Variants in TNNT2 observed in about 807,000 individuals in gnomAD.
TNNT2 encodes troponin T2, cardiac type, also known as troponin T, cardiac muscle.
TNNT2 carries 34 observed loss-of-function variants against 62.4 expected under a neutral mutation model. The ratio of observed to expected loss-of-function variants is 0.54; its 90% CI spans 0.41 to 0.72. The LOEUF is 0.72. Among genes scored for constraint, TNNT2 ranks in the 30% least tolerant of loss-of-function variants. The pLI is 0.00. For synonymous variants in TNNT2, 123 were observed against 127.2 expected (o/e 0.97, Z 0.22); for missense variants, 275 against 381.9 (o/e 0.72, Z 2.33).
chr1:201,369,725 C>A, intron 5 of TNNT2, 91 bp downstream of exon 5: 1 of 1,553,414 alleles, frequency 6.4e-7, no homozygotes, highest in East Asian at 2.2e-5. Flanking sequence ...TACTCACACC[C>A]CCCAGCCCCC....
In TNNT2 at chr1:201,364,374, T is replaced by C; in HGVS notation, c.413A>G (p.Glu138Gly). 6.2e-7 allele frequency: 1 copy of C among 1,612,474 alleles called. No homozygotes were observed. Among genetic ancestry groups the C allele is most frequent in the South Asian group, 1.1e-5 (1 of 91,016 alleles). ...CTCGGCCCGCTCTGCCCGACGTCTC[T>C]CCTAAGGAGAAGAGGCAAAGCCCAC... ...EELVSLKDRI[E>G]RRRAERAEQQ... Residue 138 changes from glutamate to glycine, a missense_variant and splice_region_variant, in exon 11 of 17, where the codon GAG becomes GGG. Coordinates refer to ENST00000656932, the MANE Select transcript of TNNT2 (RefSeq NM_001276345.2).
chr1:201,373,528 A>G lies in TNNT2; in HGVS notation c.-14-260T>C, dbSNP rs12568262. 28,877 of 534,456 alleles carry G rather than the reference A, an allele frequency of 0.054. 1,868 individuals are homozygous for G. The highest frequency in any genetic ancestry group is 0.2 in the African/African-American group (10,591 of 52,488). The allele number at this position is 534,456 out of a possible 1,614,324, so 33.1% of individuals were successfully genotyped here. Reference sequence around the variant, plus strand: ...CAGGCAATACTGCCTGGGATGCTGCATTTCCATTTGTGACACTCAAGACAA... The same window carrying G: ...CAGGCAATACTGCCTGGGATGCTGCGTTTCCATTTGTGACACTCAAGACAA... On this transcript the variant is annotated intron_variant, in intron 1 of 16. Coordinates refer to ENST00000656932, the MANE Select transcript of TNNT2 (RefSeq NM_001276345.2).
chr1:201,361,948 C>A lies in TNNT2; in HGVS notation c.684G>T (p.Val228=), dbSNP rs1413460289. ...KKKILAERRK[V]LAIDHLNEDQ... ...CTTCATTCAGGTGGTCAATGGCCAG[C>A]ACCTTCCTCCTCTCAGCCAGAATCT... Residue 228 remains valine, a synonymous_variant, in exon 14 of 17, where the codon GTG becomes GTT. Transcript: ENST00000656932. The A allele has an allele frequency of 6.2e-7, 1 of 1,614,242 alleles. No homozygotes were observed. The highest frequency in any genetic ancestry group is 8.5e-7 in the Non-Finnish European group (1 of 1,180,042).
At position 201,359,122 on chromosome 1, in the gene TNNT2, G is replaced by T; in HGVS notation, c.*88C>A. 1 of 1,527,772 alleles carries T rather than the reference G, an allele frequency of 6.5e-7. No homozygotes were observed. The highest frequency in any genetic ancestry group is 8.9e-7 in the Non-Finnish European group (1 of 1,122,288). 94.6% of individuals were successfully genotyped at this position (1,527,772 alleles called of 1,614,324 possible). A position where few individuals can be genotyped will look rare whatever the true frequency, so the allele number is the denominator to read the frequency against. Reference sequence around the variant, plus strand: ...CCATTTCCAAACAGGAGCTGCCTGGGGTGCCCAGGAGGGCCCGGGAACTGG... The same window carrying T: ...CCATTTCCAAACAGGAGCTGCCTGGTGTGCCCAGGAGGGCCCGGGAACTGG... On this transcript the variant is annotated 3_prime_UTR_variant, in exon 17 of 17. Coordinates refer to ENST00000656932, the MANE Select transcript of TNNT2 (RefSeq NM_001276345.2).
rs939067295 is a variant in TNNT2 at position 201,362,031 on chromosome 1, T to C, written c.610-9A>G. The stretch of plus-strand genomic sequence containing the variant: ...CCACTTTTCCGCTCTGTCTGGAGGG[T>C]GTGGGAAGCAGAGTAAACTGGCCAG... On this transcript the variant is annotated splice_polypyrimidine_tract_variant and intron_variant, in intron 13 of 16. Coordinates refer to ENST00000656932, the MANE Select transcript of TNNT2 (RefSeq NM_001276345.2). The C allele has an allele frequency of 6.2e-7, 1 of 1,613,756 alleles. No individual in the cohort carries two copies. The highest frequency in any genetic ancestry group is 8.5e-7 in the Non-Finnish European group (1 of 1,179,860).
At chr1:201,369,123 G>A (rs1281395516) in intron 5 of TNNT2, among the ~76,000 whole-genome samples, 3 of 152,118 alleles carry the variant, frequency 2.0e-5, no homozygotes, top group Non-Finnish European at 4.4e-5. Flanking sequence ...CTCATCTGAC[G>A]TGTCATTTCT....
chr1:201,366,199 G>C (rs1029569800), intron 8 of TNNT2: 2 of 1,032,436 alleles, frequency 1.9e-6, no homozygotes, highest in African/African-American at 3.4e-5. Context: ...AAGAGGCCAG[G>C]AAGGGGGAAG....
In TNNT2 at chr1:201,367,738, G is replaced by T. The variant is rs369424692; in HGVS notation, c.199+33C>A. On this transcript the variant is annotated intron_variant, in intron 7 of 16. Transcript: ENST00000656932. ...CAAAGCTGCTGTGAGGGGTTCCTTT[G>T]CCTCCCTTGTACCTCTCTCCTGATA... 6 of 1,613,194 alleles carry T rather than the reference G, an allele frequency of 3.7e-6. 1 individual carries two copies. In the Middle Eastern group the frequency reaches 5.0e-4, roughly 133 times the overall value.
intron 16 of TNNT2, 24 bp downstream of exon 16, chr1:201,359,599 G>A (rs1658216311): frequency 6.3e-7 from 1 of 1,595,654 alleles, no homozygotes; most frequent in Non-Finnish European, 8.6e-7. Context: ...GGAGGGCTAG[G>A]CGAGAATGAC....
intron 5 of TNNT2, chr1:201,369,271 CT>C (rs1660206817): frequency 2.1e-6 from 1 of 472,158 alleles, no homozygotes; most frequent in South Asian, 1.5e-5. Flanking sequence ...CCTGGTCTCA[CT>C]CCCTTGCCTT....
Position 201,361,382 on chromosome 1 carries a change from G to C in TNNT2, c.720-13C>G, listed in dbSNP as rs377714587. 1.5e-5 allele frequency: 24 copies of C among 1,611,920 alleles called. No homozygotes were observed. The highest frequency in any genetic ancestry group is 2.7e-5 in the African/African-American group (2 of 74,750). ...CTTGGCCTTCTCCCTGCACGGGCAA[G>C]GGTGAGAATGGGGAGGTCCAGTAAG... On this transcript the variant is annotated splice_polypyrimidine_tract_variant and intron_variant, in intron 14 of 16. Coordinates refer to ENST00000656932, the MANE Select transcript of TNNT2 (RefSeq NM_001276345.2).
chr1:201,362,991 G>C (rs1035671259), intron 12 of TNNT2, among the ~76,000 whole-genome samples: 11 of 152,182 alleles, frequency 7.2e-5, no homozygotes, highest in Non-Finnish European at 1.5e-4. Flanking sequence ...TAGGCACAAG[G>C]CTCTTCCAGC....
At position 201,364,468 on chromosome 1, in the gene TNNT2, TG is replaced by T. The variant is rs35559054; in HGVS notation, c.412-94del. On this transcript the variant is annotated intron_variant, in intron 10 of 16. Transcript: ENST00000656932. ...CTGCATGGGGTGGCAAGGGAATTCC[TG>T]GGGGAGGGTTCCTTCCAGAGTCTTG... 9.5e-3 allele frequency: 12,339 copies of T among 1,303,710 alleles called. 95 individuals are homozygous for T. Among genetic ancestry groups the T allele is most frequent in the Non-Finnish European group, 0.011 (10,410 of 928,106 alleles). 80.8% of individuals were successfully genotyped at this position (1,303,710 alleles called of 1,614,324 possible). A position where few individuals can be genotyped will look rare whatever the true frequency, so the allele number is the denominator to read the frequency against.
chr1:201,361,175 GA>G, intron 15 of TNNT2, 103 bp downstream of exon 15: 1 of 1,106,720 alleles, frequency 9.0e-7, no homozygotes, highest in Non-Finnish European at 1.4e-6. Context: ...GGCTGTTGGG[GA>G]ATAGGGACAG....
chr1:201,362,461 A>T, intron 12 of TNNT2, 67 bp from the exon 13 acceptor site: 8 of 1,579,412 alleles, frequency 5.1e-6, no homozygotes, highest in Non-Finnish European at 6.9e-6. Flanking sequence ...AGACACAGAG[A>T]GAAGGCAGGA....
intron 1 of TNNT2, 163 bp from the exon 2 acceptor site, chr1:201,373,431 C>G (rs1660953825): frequency 1.5e-6 from 1 of 689,374 alleles, no homozygotes; most frequent in Non-Finnish European, 2.6e-6. Flanking sequence ...TTCTCCCCTG[C>G]TGGGGGAGAT....
At position 201,364,322 on chromosome 1, in the gene TNNT2, C is replaced by T. The variant is rs1416632771; in HGVS notation, c.465G>A (p.Glu155=). The T allele has an allele frequency of 6.2e-7, 1 of 1,613,236 alleles. No individual in the cohort carries two copies. Among genetic ancestry groups the T allele is most frequent in the Non-Finnish European group, 8.5e-7 (1 of 1,179,990 alleles). Residue 155 remains glutamate (E), a synonymous_variant, in exon 11 of 17, where the codon GAG becomes GAA. Transcript: ENST00000656932. The part of the protein sequence containing the change: ...AEQQRIRNER[E]KERQNRLAEE... ...CAGCCAGGCGGTTCTGCCGCTCCTT[C>T]TCCCGCTCATTCCGGATGCGCTGCT...
Position 201,366,875 on chromosome 1 carries a change from G to C in TNNT2, c.200-4C>G, listed in dbSNP as rs397516448. On this transcript the variant is annotated splice_polypyrimidine_tract_variant and splice_region_variant and intron_variant, in intron 7 of 16. Transcript: ENST00000656932. The stretch of plus-strand genomic sequence containing the variant: ...TTGGACTCCTCCATTGGGCCATCTG[G>C]AGGAGATAGAAGCACACAGCCATGG... The C allele has an allele frequency of 5.3e-5, 86 of 1,613,978 alleles. No homozygotes were observed. The highest frequency in any genetic ancestry group is 7.1e-5 in the Non-Finnish European group (84 of 1,180,020).
At chr1:201,364,171 A>T in intron 11 of TNNT2, 127 bp downstream of exon 11, 2 of 1,069,428 alleles carry the variant, frequency 1.9e-6, no homozygotes, top group South Asian at 1.4e-5. Context: ...GGCGTGAGCC[A>T]CCGCACCCGG....
Sources: gnomAD v4.1 joint callset for allele counts (sites outside exome capture counted in the v4.1 genomes callset) on GRCh38, gnomAD v4.1.1 for gene constraint, MANE v1.5 for transcripts, NCBI Gene and HGNC (gene_info 2026-07-23, HGNC 2026-07-21) for gene names.